The following PCDH17 variants were observed in gnomAD, a reference collection of about 807,000 sequenced individuals.
PCDH17 encodes protocadherin-17.
Under a neutral mutation model 67.7 loss-of-function variants are expected in PCDH17, and 21 were observed. That is an observed-to-expected ratio of 0.31 (90% CI 0.22 to 0.45). PCDH17 has a LOEUF of 0.45. Ranked by LOEUF, PCDH17 falls within the 20% of genes least tolerant of loss-of-function variation. The pLI is 1.00. For missense variants in PCDH17, 1,471 were observed against 1,564.8 expected (o/e 0.94, Z 1.01); for synonymous variants, 701 against 656.7 (o/e 1.07, Z -1.03).
intron 3 of PCDH17, among the ~76,000 whole-genome samples, chr13:57,724,006 T>C (rs1418227038): frequency 1.3e-5 from 2 of 152,148 alleles, no homozygotes; most frequent in Non-Finnish European, 2.9e-5. Context: ...TCTAATAAAA[T>C]AGAGATGTGC....
At chr13:57,686,013 C>T (rs940306758) in intron 3 of PCDH17, among the ~76,000 whole-genome samples, 3 of 151,648 alleles carry the variant, frequency 2.0e-5, no homozygotes, top group African/African-American at 7.3e-5. Flanking sequence ...CGCTTGAGCC[C>T]AGGAGTTTGA....
rs1236849229 is a variant in PCDH17, at chr13:57,727,682, T to G, written c.*2388T>G. The G allele has an allele frequency of 6.6e-6, 1 of 152,116 alleles. No individual in the cohort carries two copies. Among genetic ancestry groups the G allele is most frequent in the African/African-American group, 2.4e-5 (1 of 41,438 alleles). The allele number at this position is 152,116 out of a possible 1,614,324, so 9.4% of individuals were successfully genotyped here. On this transcript the variant is annotated 3_prime_UTR_variant, in exon 4 of 4. Coordinates refer to ENST00000377918, the MANE Select transcript of PCDH17 (RefSeq NM_001040429.3). ...GTGAAACCTAATTGACTCTCTATAT[T>G]TTGGACAATTTATGTATCTGAAATG...
intron 3 of PCDH17, among the ~76,000 whole-genome samples, chr13:57,691,137 A>C (rs1955554775): frequency 6.6e-6 from 1 of 151,462 alleles, no homozygotes; most frequent in Admixed American, 6.6e-5. Context: ...TACCAAAATT[A>C]AATATGAAGT....
chr13:57,721,594 A>T (rs1440339374), intron 3 of PCDH17, among the ~76,000 whole-genome samples: 2 of 152,188 alleles, frequency 1.3e-5, no homozygotes, highest in Non-Finnish European at 1.5e-5. Flanking sequence ...AAAAATGTGC[A>T]ATAGAAGGTA....
intron 1 of PCDH17, among the ~76,000 whole-genome samples, chr13:57,646,540 G>A (rs1484892021): frequency 6.6e-6 from 1 of 151,542 alleles, no homozygotes; most frequent in Non-Finnish European, 1.5e-5. Context: ...CCATAAGGAG[G>A]TTTTACAGAA....
chr13:57,683,694 A>G (rs1200935776), intron 3 of PCDH17, among the ~76,000 whole-genome samples: 3 of 151,880 alleles, frequency 2.0e-5, no homozygotes, highest in Non-Finnish European at 4.4e-5. Flanking sequence ...GACGCTGGTA[A>G]ATATTCCTCA....
At chr13:57,694,723 T>C (rs1013913627) in intron 3 of PCDH17, among the ~76,000 whole-genome samples, 1 of 151,224 alleles carries the variant, frequency 6.6e-6, no homozygotes, top group Non-Finnish European at 1.5e-5. Flanking sequence ...TTTTTAACCT[T>C]TTTAAAAATT....
At chr13:57,635,185 G>A (rs993776945) in intron 1 of PCDH17, 74 bp downstream of exon 1, 1 of 1,480,764 alleles carries the variant, frequency 6.8e-7, no homozygotes, top group Non-Finnish European at 9.2e-7. Context: ...CTTTGGAACA[G>A]GGCAAGCCAC....
chr13:57,719,475 C>T (rs9527688), intron 3 of PCDH17, among the ~76,000 whole-genome samples: 3,031 of 152,080 alleles, frequency 0.02, 35 homozygotes, highest in Middle Eastern at 0.068. Flanking sequence ...GAGGCAAATA[C>T]TGGATGCAGA....
rs142767252 is a variant in PCDH17 at position 57,693,186 on chromosome 13, A to G, written c.2797+26353A>G. ...AAGTTAGTGCTCATTGAAATAGTAA[A>G]GGTGAACACCTGAATGCAGACCAAC... On this transcript the variant is annotated intron_variant, in intron 3 of 3. Transcript: ENST00000377918. Among the ~76,000 whole-genome samples, 1,257 of 135,526 alleles carry G rather than the reference A, an allele frequency of 9.3e-3. 75 individuals carry two copies. Among genetic ancestry groups the G allele is most frequent in the Admixed American group, 0.088 (1,144 of 12,982 alleles). The allele number at this position is 135,526 out of a possible 152,430, so 88.9% of individuals were successfully genotyped here.
At chr13:57,689,151 C>G (rs1039815391) in intron 3 of PCDH17, among the ~76,000 whole-genome samples, 4 of 151,978 alleles carry the variant, frequency 2.6e-5, no homozygotes, top group African/African-American at 4.8e-5. Flanking sequence ...AAGATTCATT[C>G]AACAACTTTT....
chr13:57,688,939 A>G (rs542693302), intron 3 of PCDH17, among the ~76,000 whole-genome samples: 23 of 152,154 alleles, frequency 1.5e-4, no homozygotes, highest in African/African-American at 5.5e-4. Context: ...CCACCATTGT[A>G]GCATTGGCAT....
intron 1 of PCDH17, among the ~76,000 whole-genome samples, chr13:57,643,650 T>A (rs1954930494): frequency 1.3e-5 from 2 of 151,758 alleles, no homozygotes; most frequent in South Asian, 4.1e-4. Flanking sequence ...AGAGCAGTTA[T>A]AAGTCATACA....
intron 3 of PCDH17, among the ~76,000 whole-genome samples, chr13:57,693,042 A>G (rs1367602438): frequency 2.7e-5 from 4 of 150,580 alleles, no homozygotes; most frequent in African/African-American, 9.7e-5. Flanking sequence ...TCCATAGCCA[A>G]AAAGAAATCC....
chr13:57,644,731 C>T (rs553892945), intron 1 of PCDH17, among the ~76,000 whole-genome samples: 1 of 151,600 alleles, frequency 6.6e-6, no homozygotes, highest in African/African-American at 2.4e-5. Flanking sequence ...TCAGTTTTTC[C>T]GTAGTAAATC....
chr13:57,643,811 A>C (rs1954932934), intron 1 of PCDH17, among the ~76,000 whole-genome samples: 1 of 151,646 alleles, frequency 6.6e-6, no homozygotes, highest in African/African-American at 2.4e-5. Flanking sequence ...GTGTTATATT[A>C]ATGAATTTTT....
intron 3 of PCDH17, among the ~76,000 whole-genome samples, chr13:57,685,711 A>G (rs1955498876): frequency 2.6e-5 from 4 of 151,958 alleles, no homozygotes; most frequent in Admixed American, 1.3e-4. Context: ...ATATAGAATA[A>G]AAAATTGTGG....
intron 3 of PCDH17, among the ~76,000 whole-genome samples, chr13:57,700,747 T>C (rs1246470542): frequency 6.6e-6 from 1 of 152,116 alleles, no homozygotes; most frequent in Non-Finnish European, 1.5e-5. Flanking sequence ...AATGTGACTG[T>C]CATTCTGTAG....
intron 1 of PCDH17, among the ~76,000 whole-genome samples, chr13:57,641,611 T>TAG (rs1954905538): frequency 8.0e-6 from 1 of 125,460 alleles, no homozygotes; most frequent in African/African-American, 2.8e-5. Flanking sequence ...TATATATATA[T>TAG]ATATATATAT....
Sources: allele counts gnomAD v4.1 joint callset (sites outside exome capture counted in the v4.1 genomes callset), GRCh38; gene constraint gnomAD v4.1.1; transcripts MANE v1.5; gene names NCBI Gene and HGNC (gene_info 2026-07-23, HGNC 2026-07-21).